TLN2: variants seen among roughly 807,000 people sequenced by gnomAD.
The protein encoded by TLN2 is talin-2.
Under a neutral mutation model 294.7 loss-of-function variants are expected in TLN2, and 118 were observed. The observed-to-expected ratio is 0.40, with a 90% CI of 0.34 to 0.47. The LOEUF (loss-of-function observed/expected upper bound fraction) is 0.47, where lower values mean the gene tolerates loss of function less well. Ranked by LOEUF, TLN2 falls within the 20% of genes least tolerant of loss-of-function variation. TLN2 has a pLI of 0.84. For synonymous variants in TLN2, 1,431 were observed against 1,304.5 expected (o/e 1.10, Z -2.09); for missense variants, 3,083 against 3,282.2 (o/e 0.94, Z 1.48).
intron 3 of TLN2, among the ~76,000 whole-genome samples, chr15:62,641,951 G>C (rs1370198015): frequency 6.6e-6 from 1 of 152,230 alleles, no homozygotes; most frequent in South Asian, 2.1e-4. Flanking sequence ...GGGTGAACCA[G>C]GGTGATCCTG....
intron 1 of TLN2, among the ~76,000 whole-genome samples, chr15:62,519,942 TC>T (rs1231851030): frequency 6.6e-6 from 1 of 152,208 alleles, no homozygotes; most frequent in African/African-American, 2.4e-5. Context: ...GACTCACAGT[TC>T]CATGTAGCTG....
intron 1 of TLN2, among the ~76,000 whole-genome samples, chr15:62,456,025 C>T (rs1199363949): frequency 6.7e-6 from 1 of 150,266 alleles, no homozygotes; most frequent in African/African-American, 2.5e-5. Context: ...ATTCAGTCCA[C>T]AGACATCTAT....
intron 2 of TLN2, among the ~76,000 whole-genome samples, chr15:62,611,145 T>C (rs879934253): frequency 6.6e-6 from 1 of 152,192 alleles, no homozygotes; most frequent in Non-Finnish European, 1.5e-5. Flanking sequence ...TAACTTAAGA[T>C]AGAGCGATAT....
intron 1 of TLN2, among the ~76,000 whole-genome samples, chr15:62,529,930 G>A (rs1239276393): frequency 6.6e-6 from 1 of 152,160 alleles, no homozygotes; most frequent in Non-Finnish European, 1.5e-5. Context: ...AATGGCTCAT[G>A]CCTGTAATCC....
chr15:62,798,997 AG>A (rs2065729167), intron 48 of TLN2, among the ~76,000 whole-genome samples: 1 of 152,212 alleles, frequency 6.6e-6, no homozygotes, highest in East Asian at 1.9e-4. Context: ...GGTTGCAGTG[AG>A]CCGAGATCAC....
Position 62,441,495 on chromosome 15 carries a change from C to T in TLN2, c.-238+50810C>T, listed in dbSNP as rs116531946. Among the ~76,000 whole-genome samples the T allele has an allele frequency of 7.7e-3, 1,178 of 152,318 alleles. 12 individuals carry two copies. Among genetic ancestry groups the T allele is most frequent in the African/African-American group, 0.027 (1,113 of 41,574 alleles). On this transcript the variant is annotated intron_variant, in intron 1 of 58. Coordinates refer to ENST00000636159, the MANE Select transcript of TLN2 (RefSeq NM_015059.3). The stretch of plus-strand genomic sequence containing the variant: ...GATAGAAGAAACCAAGATATTATTT[C>T]CTACTCTCTTTCACAGTCACTCAAC...
chr15:62,566,313 C>T (rs2043390117), intron 1 of TLN2, among the ~76,000 whole-genome samples: 1 of 151,900 alleles, frequency 6.6e-6, no homozygotes, highest in South Asian at 2.1e-4. Context: ...TTTTGGTGTG[C>T]CAGAGACTTC....
intron 1 of TLN2, among the ~76,000 whole-genome samples, chr15:62,480,869 A>C (rs894836927): frequency 6.6e-6 from 1 of 152,044 alleles, no homozygotes; most frequent in South Asian, 2.1e-4. Flanking sequence ...CCTTTCCTGC[A>C]TTGCTTTCTT....
At chr15:62,496,169 C>T (rs533672833) in intron 1 of TLN2, among the ~76,000 whole-genome samples, 30 of 152,270 alleles carry the variant, frequency 2.0e-4, no homozygotes, top group African/African-American at 6.7e-4. Flanking sequence ...GCCAGCTTTG[C>T]TAGGCCTCCT....
chr15:62,694,975 C>T (rs1026511145), intron 14 of TLN2, among the ~76,000 whole-genome samples: 2 of 152,142 alleles, frequency 1.3e-5, no homozygotes, highest in Non-Finnish European at 2.9e-5. Context: ...AATGATATTA[C>T]CACCTAAGTA....
chr15:62,404,164 T>G (rs568405095), intron 1 of TLN2, among the ~76,000 whole-genome samples: 1 of 152,232 alleles, frequency 6.6e-6, no homozygotes, highest in South Asian at 2.1e-4. Flanking sequence ...AGGTCATGTG[T>G]TGAGAGTTAG....
chr15:62,705,332 G>C (rs1300358679), intron 19 of TLN2, among the ~76,000 whole-genome samples: 1 of 152,204 alleles, frequency 6.6e-6, no homozygotes, highest in African/African-American at 2.4e-5. Flanking sequence ...TCTGATTCTT[G>C]AGATCATATC....
At chr15:62,746,124 C>T (rs1342421156) in intron 32 of TLN2, among the ~76,000 whole-genome samples, 1 of 151,576 alleles carries the variant, frequency 6.6e-6, no homozygotes, top group Non-Finnish European at 1.5e-5. Context: ...ACTTAGTTTT[C>T]AATGGAAGAA....
rs764805006 is a variant in TLN2, at chr15:62,702,062, G to A, written c.1767G>A (p.Glu589=). The A allele has an allele frequency of 1.2e-6, 2 of 1,614,264 alleles. No homozygotes were observed. Among genetic ancestry groups the A allele is most frequent in the Admixed American group, 3.3e-5 (2 of 60,034 alleles). Residue 589 remains glutamate (E), a synonymous_variant, in exon 18 of 59, where the codon GAG becomes GAA. Coordinates refer to ENST00000636159, the MANE Select transcript of TLN2 (RefSeq NM_015059.3). ...AITTISSNLT[E]MSKGVKLLAA... The stretch of plus-strand genomic sequence containing the variant: ...CCACTATTTCTTCCAACCTGACGGA[G>A]ATGTCCAAGGGTGTGAAGCTATTGG...
At chr15:62,483,595 C>T (rs1397745967) in intron 1 of TLN2, among the ~76,000 whole-genome samples, 1 of 152,198 alleles carries the variant, frequency 6.6e-6, no homozygotes, top group Non-Finnish European at 1.5e-5. Flanking sequence ...GCCGCCTTGA[C>T]TTCCTTCCTC....
At chr15:62,635,136 G>C (rs7178020) in intron 3 of TLN2, among the ~76,000 whole-genome samples, 143,184 of 152,262 alleles carry the variant, frequency 0.94, 67,362 homozygotes, top group East Asian at 1. Context: ...TTTAACTAAC[G>C]CATAAATCAA....
At chr15:62,405,782 C>T (rs2140244736) in intron 1 of TLN2, among the ~76,000 whole-genome samples, 1 of 152,278 alleles carries the variant, frequency 6.6e-6, no homozygotes, top group Middle Eastern at 3.4e-3. Flanking sequence ...TACAAGCTGG[C>T]TGCGCAGGGA....
intron 4 of TLN2, among the ~76,000 whole-genome samples, chr15:62,649,309 T>G (rs2052313859): frequency 6.7e-6 from 1 of 149,984 alleles, no homozygotes; most frequent in Non-Finnish European, 1.5e-5. Flanking sequence ...TTGGTGGGGG[T>G]GGGGAGCTTG....
chr15:62,431,658 T>A (rs970797141), intron 1 of TLN2, among the ~76,000 whole-genome samples: 2 of 152,224 alleles, frequency 1.3e-5, no homozygotes, highest in Non-Finnish European at 2.9e-5. Context: ...AGAATCTTTA[T>A]AGCTCAGCAA....
Sources: allele counts gnomAD v4.1 joint callset (sites outside exome capture counted in the v4.1 genomes callset), GRCh38; gene constraint gnomAD v4.1.1; transcripts MANE v1.5; gene names NCBI Gene and HGNC (gene_info 2026-07-23, HGNC 2026-07-21).